The following CHD8 variants were observed in gnomAD, a reference collection of about 807,000 sequenced individuals.
The protein encoded by CHD8 is chromodomain helicase DNA binding protein 8.
In CHD8, 31 loss-of-function variants were observed where a neutral mutation model predicts 279.2. The ratio of observed to expected loss-of-function variants is 0.11; its 90% CI spans 0.08 to 0.15. The LOEUF (loss-of-function observed/expected upper bound fraction) is 0.15, where lower values mean the gene tolerates loss of function less well. Among genes scored for constraint, CHD8 ranks in the 10% least tolerant of loss-of-function variants. The pLI, the probability that CHD8 is intolerant of heterozygous loss-of-function variation, is 1.00. For missense variants in CHD8, 2,146 were observed against 3,230.5 expected, an observed-to-expected ratio of 0.66 and a Z score of 8.14; for synonymous variants, 1,081 against 1,139.6, an observed-to-expected ratio of 0.95 and a Z score of 1.04.
intron 1 of CHD8, among the ~76,000 whole-genome samples, chr14:21,435,545 A>G (rs1416672182): frequency 2.6e-5 from 4 of 152,078 alleles, no homozygotes; most frequent in African/African-American, 9.7e-5. Flanking sequence ...TGTCTGTCCT[A>G]TGATAAAGTA....
intron 1 of CHD8, among the ~76,000 whole-genome samples, chr14:21,451,367 TGA>T (rs1206496591): frequency 6.6e-6 from 1 of 151,774 alleles, no homozygotes; most frequent in Admixed American, 6.6e-5. Context: ...CCCAGGAGTT[TGA>T]GACCAGCCTG....
chr14:21,399,710 A>G lies in CHD8; in HGVS notation c.4818-5T>C, dbSNP rs1483880152. 6.3e-7 allele frequency: 1 copy of G among 1,582,684 alleles called. No individual in the cohort carries two copies. Among genetic ancestry groups the G allele is most frequent in the East Asian group, 2.2e-5 (1 of 44,682 alleles). On this transcript the variant is annotated splice_region_variant and splice_polypyrimidine_tract_variant and intron_variant, in intron 25 of 37. Transcript: ENST00000646647. ...GGGAACCATATGTCAATCTCACTAA[A>G]GGTATAAGAGGGCAGAGTCAGCACA...
chr14:21,437,010 G>A (rs1178328642), intron 1 of CHD8: 1 of 1,273,248 alleles, frequency 7.9e-7, no homozygotes, highest in Non-Finnish European at 1.0e-6. Context: ...CTTGAGGTAA[G>A]GAGCTAGCGG....
chr14:21,425,915 T>C (rs1043832349), intron 5 of CHD8: 2 of 507,004 alleles, frequency 3.9e-6, no homozygotes, highest in Admixed American at 7.5e-5. Flanking sequence ...CAGGCCTGGG[T>C]GAGAGAGCAA....
Position 21,403,557 on chromosome 14 carries a change from A to G in CHD8, c.3414T>C (p.Ile1138=). The change falls in exon 17 of 38, where the codon ATT becomes ATC. Residue 1138 remains isoleucine, a synonymous_variant. Coordinates refer to ENST00000646647, the MANE Select transcript of CHD8 (RefSeq NM_001170629.2). The surrounding 1 kb of genome is among the most constrained non-coding windows in gnomAD (Gnocchi z 4.3). ...MVRSAGKLVL[I]DKLLPKLKAG... is the part of the protein sequence containing the mutation. ...CTTTAAGCTTTGGAAGCAACTTGTC[A>G]ATAAGAACCAGTTTGCCGGCTGAAC... is the stretch of plus-strand genomic sequence containing the variant. 6.2e-7 allele frequency: 1 copy of G among 1,613,434 alleles called. No individual in the cohort carries two copies. The highest frequency in any genetic ancestry group is 2.2e-5 in the East Asian group (1 of 44,862).
intron 5 of CHD8, among the ~76,000 whole-genome samples, chr14:21,416,923 T>C (rs751023494): frequency 2.2e-4 from 33 of 151,954 alleles, no homozygotes; most frequent in Non-Finnish European, 3.7e-4. Context: ...CTGGTCAACA[T>C]GGTGAAGCTC....
At chr14:21,443,995 T>A (rs1385464078) in intron 1 of CHD8, among the ~76,000 whole-genome samples, 3 of 152,170 alleles carry the variant, frequency 2.0e-5, no homozygotes, top group African/African-American at 7.2e-5. Context: ...TTATGTGTAG[T>A]CCTCTTTTAG....
In CHD8 at chr14:21,394,955, C is replaced by T. The variant is rs763104320; in HGVS notation, c.5347G>A (p.Ala1783Thr). ...CGTGCAATTTCTTTCAGCTTGAAGG[C>T]TGCTTCACAACGCCGCCTTCGCCGG... Reference protein sequence around the residue: ...GDRRRRRCEAAFKLKEIARRE... With the variant: ...GDRRRRRCEATFKLKEIARRE... Residue 1783 changes from alanine (A) to threonine (T), a missense_variant, in exon 30 of 38, where the codon GCC (alanine) becomes ACC (threonine). Physicochemically the swap from Ala to Thr is moderately conservative, Grantham distance 58. Transcript: ENST00000646647. The T allele has an allele frequency of 1.2e-6, 2 of 1,614,026 alleles. No individual in the cohort carries two copies.
chr14:21,400,546 C>T lies in CHD8; in HGVS notation c.4437G>A (p.Val1479=). Residue 1479 remains valine, a synonymous_variant, in exon 23 of 38, where the codon GTG becomes GTA. Coordinates refer to ENST00000646647, the MANE Select transcript of CHD8 (RefSeq NM_001170629.2). The surrounding 1 kb of genome is among the most constrained non-coding windows in gnomAD (Gnocchi z 4.2). ...RFKRRMTERD[V]ETICRAILVY... The stretch of plus-strand genomic sequence containing the variant: ...CGAGAATGGCCCGACAAATGGTCTC[C>T]ACATCTCGTTCAGTCATACGTCGCT... 3 of 1,612,592 alleles carry T rather than the reference C, an allele frequency of 1.9e-6. No individual in the cohort carries two copies. The highest frequency in any genetic ancestry group is 1.7e-6 in the Non-Finnish European group (2 of 1,179,590).
At chr14:21,439,909 CTTA>C (rs1037798797) in intron 1 of CHD8, among the ~76,000 whole-genome samples, 6 of 152,182 alleles carry the variant, frequency 3.9e-5, no homozygotes, top group Admixed American at 2.0e-4. Context: ...CAAAATCTTA[CTTA>C]TTATCCTCTA....
At chr14:21,424,771 C>T (rs191612634) in intron 5 of CHD8, among the ~76,000 whole-genome samples, 22 of 152,096 alleles carry the variant, frequency 1.4e-4, no homozygotes, top group Non-Finnish European at 2.9e-4. Flanking sequence ...GCGCCTGGCC[C>T]AGCTATTCTT....
intron 27 of CHD8, 139 bp from the exon 28 acceptor site, chr14:21,396,031 C>CT: frequency 1.5e-6 from 1 of 661,684 alleles, no homozygotes. Flanking sequence ...AGGTCTCACT[C>CT]TGTCGCCCAG....
intron 10 of CHD8, 66 bp from the exon 11 acceptor site, chr14:21,410,054 A>C: frequency 6.9e-7 from 1 of 1,455,672 alleles, no homozygotes; most frequent in Non-Finnish European, 9.2e-7. Context: ...TTAAAGAATA[A>C]AAATTTGATT....
Position 21,403,652 on chromosome 14 carries a change from T to C in CHD8, c.3319A>G (p.Lys1107Glu). ...HPYLINGAEE[K>E]ILTEFREACH... Reference sequence around the variant, plus strand: ...GCTTCACGGAATTCTGTTAGGATTTTTTCTTCAGCACCTGCCAAAAGAAAA... The same window carrying C: ...GCTTCACGGAATTCTGTTAGGATTTCTTCTTCAGCACCTGCCAAAAGAAAA... Residue 1107 changes from lysine (K) to glutamate (E), a missense_variant, in exon 17 of 38, where the codon AAA becomes GAA. By Grantham distance (56) the Lys-to-Glu change is moderately conservative. Coordinates refer to ENST00000646647, the MANE Select transcript of CHD8 (RefSeq NM_001170629.2). The surrounding 1 kb of genome is among the most constrained non-coding windows in gnomAD (Gnocchi z 4.3). 2 of 1,587,196 alleles carry C rather than the reference T, an allele frequency of 1.3e-6. No individual in the cohort carries two copies. Among genetic ancestry groups the C allele is most frequent in the East Asian group, 4.5e-5 (2 of 43,998 alleles).
chr14:21,406,104 G>A (rs1299513512), intron 14 of CHD8, among the ~76,000 whole-genome samples: 2 of 152,040 alleles, frequency 1.3e-5, no homozygotes, highest in East Asian at 1.9e-4. Context: ...AATATTATAA[G>A]CAAATTAAAA....
intron 7 of CHD8, chr14:21,415,232 T>C: frequency 2.1e-6 from 1 of 479,550 alleles, no homozygotes; most frequent in Non-Finnish European, 3.7e-6. Flanking sequence ...TCCTGTTTTC[T>C]AGCTAACTTT....
In CHD8 at chr14:21,410,008, A is replaced by AG. The variant is rs1447581350; in HGVS notation, c.2227-21dup. ...AACGGGCTAGGAGAGAAGAAACCAA[A>AG]GCCTTAAGAAACTGATTCTGTGTTC... On this transcript the variant is annotated intron_variant, in intron 10 of 37. Coordinates refer to ENST00000646647, the MANE Select transcript of CHD8 (RefSeq NM_001170629.2). 6.3e-7 allele frequency: 1 copy of AG among 1,591,368 alleles called. No individual in the cohort carries two copies.
Position 21,431,742 on chromosome 14 carries a change from T to C in CHD8, c.-99A>G, listed in dbSNP as rs1889572928. On this transcript the variant is annotated 5_prime_UTR_variant, in exon 2 of 38. Coordinates refer to ENST00000646647, the MANE Select transcript of CHD8 (RefSeq NM_001170629.2). ...CCCCTCCCCTATTAAGAAAAAAATG[T>C]ACACAATGTAAGAGGACTACTCTTC... The C allele has an allele frequency of 6.2e-7, 1 of 1,612,432 alleles. No individual in the cohort carries two copies. The highest frequency in any genetic ancestry group is 1.3e-5 in the African/African-American group (1 of 74,952).
rs373946888 is a variant in CHD8, at chr14:21,391,527, C to T, written c.7001G>A (p.Arg2334Gln). The change falls in exon 36 of 38, where the codon CGG becomes CAG. Residue 2334 changes from arginine (R) to glutamine (Q), a missense_variant. Physicochemically the swap from Arg to Gln is conservative, Grantham distance 43 (BLOSUM62 1). This residue lies in a region of CHD8 where 336 missense variants were observed against 392.9 expected (regional missense o/e 0.86). Transcript: ENST00000646647. ...CTGTAACCACATCTCCAGTTCAGCC[C>T]GGCGAGGGGCATCCTCACCCACCAG... ...TLLVGEDAPR[R>Q]AELEMWLQGH... The T allele has an allele frequency of 2.2e-5, 36 of 1,613,818 alleles. No homozygotes were observed. In the Middle Eastern group the frequency reaches 1.3e-3, roughly 59 times the overall value.
Sources: gnomAD v4.1 joint callset for allele counts (sites outside exome capture counted in the v4.1 genomes callset) on GRCh38, gnomAD v4.1.1 for gene constraint, gnomAD v4.1.1 regional missense constraint, Gnocchi (gnomAD v3.1) non-coding constraint, MANE v1.5 for transcripts, NCBI Gene and HGNC (gene_info 2026-07-23, HGNC 2026-07-21) for gene names.